ABI3BP: variants seen among roughly 807,000 people sequenced by gnomAD.
The protein encoded by ABI3BP is target of Nesh-SH3.
A neutral mutation model predicts 268.6 loss-of-function variants in ABI3BP; 216 were observed. That is an observed-to-expected ratio of 0.80 (90% confidence interval 0.72 to 0.90). The LOEUF (loss-of-function observed/expected upper bound fraction) is 0.90, where lower values mean the gene tolerates loss of function less well. Among genes scored for constraint, ABI3BP ranks in the 40% least tolerant of loss-of-function variants. ABI3BP has a pLI of 0.00. For synonymous variants in ABI3BP, 730 were observed against 730.0 expected (o/e 1.00, Z 0.00); for missense variants, 2,090 against 2,182.4 (o/e 0.96, Z 0.84).
chr3:100,977,389 T>G (rs1018478253), intron 1 of ABI3BP, among the ~76,000 whole-genome samples: 4 of 152,106 alleles, frequency 2.6e-5, no homozygotes, highest in African/African-American at 7.2e-5. Flanking sequence ...CAGTCCTGGC[T>G]CAGAATCTCT....
chr3:100,962,096 T>G lies in ABI3BP; in HGVS notation c.79+31210A>C, dbSNP rs2079353697. Among the ~76,000 whole-genome samples, 6 of 152,176 alleles carry G rather than the reference T, an allele frequency of 3.9e-5. No individual in the cohort carries two copies. The South Asian group carries it at 1.2e-3, about 32-fold the overall frequency. On this transcript the variant is annotated intron_variant, in intron 1 of 67. Transcript: ENST00000471714. ...GTCACTAATCTCAAGTGGGTCCTCA[T>G]TCCTCTTGCCAAATCATTCTCATCT...
In ABI3BP at chr3:100,792,717, G is replaced by A. The variant is rs201617503; in HGVS notation, c.3998C>T (p.Thr1333Ile). ...QEPFTTKIPR[T>I]TELAKTTQAP... is the part of the protein sequence containing the mutation. ...CTGAGTTGTCTTTGCTAGTTCAGTT[G>A]TTCGTGGAATCTTAGTTGTGAAAGG... The change falls in exon 55 of 68, where the codon ACA (threonine) becomes ATA (isoleucine). Residue 1333 changes from threonine (T) to isoleucine (I), a missense_variant. Coordinates refer to ENST00000471714, the MANE Select transcript of ABI3BP (RefSeq NM_001375547.2). 9 of 1,611,598 alleles carry A rather than the reference G, an allele frequency of 5.6e-6. No homozygotes were observed. The South Asian group carries it at 7.7e-5, about 14-fold the overall frequency.
At position 100,848,799 on chromosome 3, in the gene ABI3BP, ACCAGGTTT is replaced by A; in HGVS notation, c.1570_1576+1del. On this transcript the variant is annotated splice_donor_variant and coding_sequence_variant, in exon 18 of 68. Transcript: ENST00000471714. LOFTEE classifies it high-confidence loss of function. ...ATCATGTAAATATAAAGAGACATTT[ACCAGGTTT>A]GGTTCTTGGCGGTTTGGGCCGGGGG... The A allele has an allele frequency of 1.9e-6, 3 of 1,609,798 alleles. No homozygotes were observed. Among genetic ancestry groups the A allele is most frequent in the Non-Finnish European group, 2.6e-6 (3 of 1,176,266 alleles).
intron 51 of ABI3BP, among the ~76,000 whole-genome samples, chr3:100,802,520 G>A (rs1051822347): frequency 2.6e-5 from 4 of 152,132 alleles, no homozygotes; most frequent in African/African-American, 4.8e-5. Context: ...GTGTGGGCCC[G>A]ATTTGTCAAG....
At chr3:100,782,106 C>T (rs1191240840) in intron 57 of ABI3BP, among the ~76,000 whole-genome samples, 1 of 152,208 alleles carries the variant, frequency 6.6e-6, no homozygotes, top group African/African-American at 2.4e-5. Flanking sequence ...GTGGCTTGAG[C>T]TGCCACCACT....
chr3:100,753,006 A>G, intron 65 of ABI3BP, 58 bp from the exon 66 acceptor site: 1 of 1,493,884 alleles, frequency 6.7e-7, no homozygotes, highest in Non-Finnish European at 9.0e-7. Context: ...ATACTTCAAG[A>G]AATCAGTTTA....
Position 100,799,308 on chromosome 3 carries a change from G to A in ABI3BP, c.3758-2840C>T, listed in dbSNP as rs571376961. On this transcript the variant is annotated intron_variant, in intron 51 of 67. Transcript: ENST00000471714. ...TGCCTTCATCATATTCTTAGGTCCAGAAACTCTGAAAGCTGAGTTTTCTCT... is the reference window on the plus strand; with the variant it reads ...TGCCTTCATCATATTCTTAGGTCCAAAAACTCTGAAAGCTGAGTTTTCTCT... Among the ~76,000 whole-genome samples the A allele has an allele frequency of 3.3e-5, 5 of 152,240 alleles. No individual in the cohort carries two copies. The South Asian group carries it at 1.0e-3, about 32-fold the overall frequency.
Position 100,812,415 on chromosome 3 carries a change from A to G in ABI3BP, c.3421+52T>C, listed in dbSNP as rs1049544252. 5.0e-6 allele frequency: 6 copies of G among 1,189,262 alleles called. No homozygotes were observed. In the African/African-American group the frequency reaches 9.5e-5, roughly 19 times the overall value. The allele number at this position is 1,189,262 out of a possible 1,614,324, so 73.7% of individuals were successfully genotyped here. ...TGAGGACATCCAGAGATGACTTTGCAATGAGATGGAAAAGCACATATGCTT... is the reference window on the plus strand; with the variant it reads ...TGAGGACATCCAGAGATGACTTTGCGATGAGATGGAAAAGCACATATGCTT... On this transcript the variant is annotated intron_variant, in intron 46 of 67. Coordinates refer to ENST00000471714, the MANE Select transcript of ABI3BP (RefSeq NM_001375547.2).
intron 1 of ABI3BP, among the ~76,000 whole-genome samples, chr3:100,931,569 G>A (rs535250913): frequency 1.3e-5 from 2 of 151,694 alleles, no homozygotes; most frequent in South Asian, 2.1e-4. Flanking sequence ...ATGTCCAAAC[G>A]AAGGGCCAAA....
intron 57 of ABI3BP, 64 bp downstream of exon 57, chr3:100,787,664 A>G: frequency 1.5e-6 from 2 of 1,315,490 alleles, no homozygotes. Flanking sequence ...CAGCAATATC[A>G]TGAAAATTAA....
chr3:100,889,298 G>A (rs1400358354), intron 4 of ABI3BP, among the ~76,000 whole-genome samples: 3 of 152,112 alleles, frequency 2.0e-5, no homozygotes, highest in African/African-American at 7.2e-5. Flanking sequence ...GATAATCAGT[G>A]ACAGACCCAG....
intron 1 of ABI3BP, among the ~76,000 whole-genome samples, chr3:100,949,990 C>T (rs936976860): frequency 2.0e-5 from 3 of 152,148 alleles, no homozygotes; most frequent in African/African-American, 7.2e-5. Flanking sequence ...ATAGAACTCT[C>T]TCAGAATTGA....
intron 4 of ABI3BP, among the ~76,000 whole-genome samples, chr3:100,897,428 T>C (rs1449698810): frequency 6.6e-6 from 1 of 152,150 alleles, no homozygotes. Context: ...ATTCAGGTGC[T>C]CATTAGCAAG....
At position 100,749,935 on chromosome 3, in the gene ABI3BP, T is replaced by C. The variant is rs1011191856; in HGVS notation, c.*560A>G. On this transcript the variant is annotated 3_prime_UTR_variant, in exon 68 of 68. Coordinates refer to ENST00000471714, the MANE Select transcript of ABI3BP (RefSeq NM_001375547.2). Reference sequence around the variant, plus strand: ...TAGCATGAATGTGTAACTATTAAACTCCTCCGCAAAGCTATTCAGCTGTTG... The same window carrying C: ...TAGCATGAATGTGTAACTATTAAACCCCTCCGCAAAGCTATTCAGCTGTTG... The C allele has an allele frequency of 5.1e-6, 2 of 390,048 alleles. No individual in the cohort carries two copies. Among genetic ancestry groups the C allele is most frequent in the African/African-American group, 2.1e-5 (1 of 48,404 alleles). The allele number at this position is 390,048 out of a possible 1,614,324, so 24.2% of individuals were successfully genotyped here.
intron 20 of ABI3BP, chr3:100,843,949 T>A (rs956461688): frequency 1.0e-6 from 1 of 985,198 alleles, no homozygotes; most frequent in Non-Finnish European, 1.2e-6. Context: ...CATTTTTGAG[T>A]TCCTGGCTGA....
chr3:100,838,688 C>G (rs1475611246), intron 24 of ABI3BP, among the ~76,000 whole-genome samples: 1 of 151,922 alleles, frequency 6.6e-6, no homozygotes, highest in Admixed American at 6.6e-5. Flanking sequence ...TGTTTTTGAG[C>G]AAAAGTAATG....
intron 1 of ABI3BP, among the ~76,000 whole-genome samples, chr3:100,956,958 G>A (rs2077042799): frequency 6.6e-6 from 1 of 152,198 alleles, no homozygotes; most frequent in Non-Finnish European, 1.5e-5. Context: ...TGGATGGATA[G>A]GGTCTTAGAG....
chr3:100,920,463 G>T (rs57374649), intron 2 of ABI3BP, among the ~76,000 whole-genome samples: 3 of 151,702 alleles, frequency 2.0e-5, no homozygotes, highest in Non-Finnish European at 2.9e-5. Flanking sequence ...TTGCTCTGAC[G>T]CCCAGGCTGG....
intron 21 of ABI3BP, among the ~76,000 whole-genome samples, chr3:100,841,482 C>G (rs940843055): frequency 6.6e-6 from 1 of 152,032 alleles, no homozygotes; most frequent in Admixed American, 6.6e-5. Context: ...AAGAATCTAT[C>G]AAATTAAAAT....
Sources: allele counts gnomAD v4.1 joint callset (sites outside exome capture counted in the v4.1 genomes callset), GRCh38; gene constraint gnomAD v4.1.1; transcripts MANE v1.5; gene names NCBI Gene and HGNC (gene_info 2026-07-23, HGNC 2026-07-21).